The following WDR7 variants were observed in gnomAD, a reference collection of about 807,000 sequenced individuals.
The protein encoded by WDR7 is WD repeat-containing protein 7.
Under a neutral mutation model 169.4 loss-of-function variants are expected in WDR7, and 46 were observed. That is an observed-to-expected ratio of 0.27 (90% CI 0.21 to 0.35). The LOEUF (loss-of-function observed/expected upper bound fraction) is 0.35. Ranked by LOEUF, WDR7 falls within the 10% of genes least tolerant of loss-of-function variation. The probability of loss-of-function intolerance (pLI) is 1.00; values close to 1 mark genes in which losing one functional copy is unlikely to be tolerated. For synonymous variants in WDR7, 612 were observed against 666.8 expected (o/e 0.92, Z 1.27); for missense variants, 1,534 against 1,859.3 (o/e 0.83, Z 3.22).
At chr18:56,665,201 G>A (rs2144481727) in intron 1 of WDR7, among the ~76,000 whole-genome samples, 1 of 151,994 alleles carries the variant, frequency 6.6e-6, no homozygotes, top group African/African-American at 2.4e-5. Context: ...GCTGGGGCAG[G>A]AGAATCCCTT....
chr18:57,019,447 A>G (rs1190439662), intron 26 of WDR7, among the ~76,000 whole-genome samples: 3 of 152,184 alleles, frequency 2.0e-5, no homozygotes, highest in Non-Finnish European at 4.4e-5. Flanking sequence ...TAGAGCTCAC[A>G]TGCAAACCCA....
intron 26 of WDR7, among the ~76,000 whole-genome samples, chr18:56,976,886 C>CGG (rs2145818856): frequency 6.6e-6 from 1 of 152,326 alleles, no homozygotes; most frequent in East Asian, 1.9e-4. Flanking sequence ...AGGCAACCAA[C>CGG]ATTTGCCTTC....
chr18:56,925,156 C>T (rs1198404954), intron 22 of WDR7, among the ~76,000 whole-genome samples: 12 of 152,210 alleles, frequency 7.9e-5, no homozygotes. Context: ...GGTTATATCA[C>T]ATATAGTTAA....
chr18:56,845,892 CTA>C (rs772992371), intron 20 of WDR7, among the ~76,000 whole-genome samples: 11 of 151,986 alleles, frequency 7.2e-5, no homozygotes, highest in Admixed American at 3.3e-4. Flanking sequence ...TGTTATTATG[CTA>C]TGTTTTTAAA....
intron 26 of WDR7, among the ~76,000 whole-genome samples, chr18:57,017,477 CTGTGTGTGTGTGTGTGTGTGTG>C (rs57440164): frequency 2.2e-5 from 3 of 134,816 alleles, no homozygotes; most frequent in Admixed American, 7.3e-5. Flanking sequence ...CCAAGTCATG[CTGTGTGTGTGTGTGTGTGTGTG>C]TGTGTGTGTG....
intron 1 of WDR7, among the ~76,000 whole-genome samples, chr18:56,668,237 T>G (rs2025062566): frequency 6.6e-6 from 1 of 152,208 alleles, no homozygotes. Context: ...TGGCTATTGG[T>G]TGTTTTTTCA....
At chr18:56,842,381 A>G (rs1402478414) in intron 20 of WDR7, among the ~76,000 whole-genome samples, 2 of 152,122 alleles carry the variant, frequency 1.3e-5, no homozygotes, top group African/African-American at 4.8e-5. Flanking sequence ...TCTCAATAAC[A>G]GCATTAGTCC....
At chr18:56,843,461 A>C (rs565918152) in intron 20 of WDR7, among the ~76,000 whole-genome samples, 1 of 152,280 alleles carries the variant, frequency 6.6e-6, no homozygotes, top group Admixed American at 6.5e-5. Flanking sequence ...ATATAAGTGG[A>C]ATCAAATAAG....
intron 1 of WDR7, among the ~76,000 whole-genome samples, chr18:56,657,128 A>G (rs1042685875): frequency 6.7e-6 from 1 of 149,458 alleles, no homozygotes; most frequent in Non-Finnish European, 1.5e-5. Context: ...TATCTGTTAC[A>G]TCTCCCTGTG....
At chr18:56,814,843 T>G (rs2044936737) in intron 19 of WDR7, among the ~76,000 whole-genome samples, 1 of 152,184 alleles carries the variant, frequency 6.6e-6, no homozygotes, top group Admixed American at 6.5e-5. Context: ...GAGTTTGTCA[T>G]TTTTTATTCA....
chr18:57,010,776 G>T (rs913223797), intron 26 of WDR7, among the ~76,000 whole-genome samples: 4 of 152,122 alleles, frequency 2.6e-5, no homozygotes, highest in Non-Finnish European at 5.9e-5. Context: ...CTGATTATCT[G>T]CAGCAAGAAA....
chr18:56,937,194 G>A (rs898288636), intron 23 of WDR7, among the ~76,000 whole-genome samples: 1 of 152,076 alleles, frequency 6.6e-6, no homozygotes, highest in African/African-American at 2.4e-5. Flanking sequence ...TGGCTGGAAA[G>A]ATAATTTTAA....
chr18:56,913,658 G>A (rs2046583641), intron 21 of WDR7, among the ~76,000 whole-genome samples: 2 of 151,588 alleles, frequency 1.3e-5, no homozygotes, highest in South Asian at 4.2e-4. Flanking sequence ...AGCCTGATGT[G>A]GTGGTGTGCA....
intron 20 of WDR7, among the ~76,000 whole-genome samples, chr18:56,863,693 C>G (rs1446302829): frequency 6.6e-6 from 1 of 151,646 alleles, no homozygotes; most frequent in Admixed American, 6.6e-5. Flanking sequence ...GGATATTAAC[C>G]TTTTCTCTTG....
intron 20 of WDR7, among the ~76,000 whole-genome samples, chr18:56,861,930 C>A (rs1388842613): frequency 6.6e-6 from 1 of 151,966 alleles, no homozygotes; most frequent in Non-Finnish European, 1.5e-5. Context: ...CTTTTACACA[C>A]AGAAAAATTT....
At chr18:56,658,208 A>G (rs2024821769) in intron 1 of WDR7, among the ~76,000 whole-genome samples, 1 of 151,816 alleles carries the variant, frequency 6.6e-6, no homozygotes, top group South Asian at 2.1e-4. Flanking sequence ...GGTTCAAGCA[A>G]TTTTTCTGCC....
intron 14 of WDR7, among the ~76,000 whole-genome samples, chr18:56,737,272 G>A (rs150238740): frequency 6.6e-6 from 1 of 152,318 alleles, no homozygotes; most frequent in African/African-American, 2.4e-5. Flanking sequence ...AGCATATCCG[G>A]TGATGTTTCT....
chr18:56,942,500 C>A (rs2047047731), intron 25 of WDR7, among the ~76,000 whole-genome samples: 2 of 152,116 alleles, frequency 1.3e-5, no homozygotes, highest in African/African-American at 4.8e-5. Context: ...AGAAAAAGAA[C>A]TTTTCCAATT....
chr18:57,023,354 T>G (rs1363300736), intron 27 of WDR7, among the ~76,000 whole-genome samples: 1 of 152,224 alleles, frequency 6.6e-6, no homozygotes, highest in East Asian at 1.9e-4. Context: ...GAAGTCTTAT[T>G]AATACAGAGC....
Sources: allele counts gnomAD v4.1 joint callset (sites outside exome capture counted in the v4.1 genomes callset), GRCh38; gene constraint gnomAD v4.1.1; transcripts MANE v1.5; gene names NCBI Gene and HGNC (gene_info 2026-07-23, HGNC 2026-07-21).